Variants in MEMO1 observed in about 807,000 individuals in gnomAD.
MEMO1 encodes mediator of cell motility 1.
A neutral mutation model predicts 45.2 loss-of-function variants in MEMO1; 6 were observed. The ratio of observed to expected loss-of-function variants is 0.13; its 90% CI spans 0.07 to 0.26. MEMO1 has a LOEUF of 0.26. Ranked by LOEUF, MEMO1 falls within the 10% of genes least tolerant of loss-of-function variation. The probability of loss-of-function intolerance (pLI) is 1.00; values close to 1 mark genes in which losing one functional copy is unlikely to be tolerated. For synonymous variants in MEMO1, 78 were observed against 124.3 expected (o/e 0.63, Z 2.48); for missense variants, 184 against 370.5 (o/e 0.50, Z 4.13).
intron 2 of MEMO1, among the ~76,000 whole-genome samples, chr2:31,987,262 C>G (rs886957075): frequency 6.6e-6 from 1 of 152,212 alleles, no homozygotes; most frequent in African/African-American, 2.4e-5. Context: ...GCCCCCCACA[C>G]TGCTGGTATT....
intron 2 of MEMO1, among the ~76,000 whole-genome samples, chr2:31,997,950 T>G (rs1672801463): frequency 6.6e-6 from 1 of 152,198 alleles, no homozygotes; most frequent in South Asian, 2.1e-4. Flanking sequence ...GACTTACACA[T>G]ATGTGTTTCA....
intron 6 of MEMO1, among the ~76,000 whole-genome samples, chr2:31,894,711 G>A (rs955750409): frequency 6.6e-6 from 1 of 152,180 alleles, no homozygotes; most frequent in African/African-American, 2.4e-5. Context: ...CTGGCTAACA[G>A]AAAATTTGGG....
chr2:31,913,971 AT>A (rs1681033619), intron 6 of MEMO1, among the ~76,000 whole-genome samples: 1 of 152,196 alleles, frequency 6.6e-6, no homozygotes, highest in Non-Finnish European at 1.5e-5. Flanking sequence ...AGACTTCGAT[AT>A]TAAGAGGGCT....
intron 2 of MEMO1, among the ~76,000 whole-genome samples, chr2:31,977,870 T>C (rs1399374671): frequency 6.6e-6 from 1 of 152,158 alleles, no homozygotes; most frequent in South Asian, 2.1e-4. Context: ...AAATAAAATA[T>C]GTAGTATGAG....
chr2:31,891,047 G>C (rs150001250), intron 7 of MEMO1, among the ~76,000 whole-genome samples: 5 of 152,292 alleles, frequency 3.3e-5, no homozygotes, highest in Admixed American at 2.6e-4. Context: ...GATAAATGTT[G>C]AATCAATTCT....
At chr2:31,989,243 A>G (rs1455297390) in intron 2 of MEMO1, among the ~76,000 whole-genome samples, 1 of 151,118 alleles carries the variant, frequency 6.6e-6, no homozygotes, top group Non-Finnish European at 1.5e-5. Flanking sequence ...AAAAAAAAAA[A>G]GAAAGAAAGA....
intron 2 of MEMO1, among the ~76,000 whole-genome samples, chr2:32,003,663 A>T (rs1673684126): frequency 6.6e-6 from 1 of 152,394 alleles, no homozygotes; most frequent in East Asian, 1.9e-4. Context: ...AGAAAAAAGC[A>T]CAGGAGGGTA....
At chr2:31,980,292 G>T (rs374587111) in intron 2 of MEMO1, among the ~76,000 whole-genome samples, 2 of 152,072 alleles carry the variant, frequency 1.3e-5, no homozygotes, top group Non-Finnish European at 2.9e-5. Context: ...AATTAGCTGG[G>T]CGTGGTGACA....
chr2:31,980,147 T>C (rs778829009), intron 2 of MEMO1, among the ~76,000 whole-genome samples: 2 of 152,300 alleles, frequency 1.3e-5, no homozygotes, highest in South Asian at 4.1e-4. Flanking sequence ...TTTTAAAATA[T>C]TTTGCCAGGC....
intron 8 of MEMO1, among the ~76,000 whole-genome samples, chr2:31,882,048 G>A (rs1323819704): frequency 6.6e-6 from 1 of 152,142 alleles, no homozygotes; most frequent in Admixed American, 6.5e-5. Context: ...GGAGGCTGAG[G>A]TGGGAGAATC....
At chr2:31,925,390 C>A (rs965433070) in intron 4 of MEMO1, among the ~76,000 whole-genome samples, 1 of 148,102 alleles carries the variant, frequency 6.8e-6, no homozygotes, top group African/African-American at 2.5e-5. Flanking sequence ...GCAGGAGAAT[C>A]GTTTGAACCC....
intron 2 of MEMO1, among the ~76,000 whole-genome samples, chr2:31,967,238 C>T (rs1188420669): frequency 6.6e-6 from 1 of 151,860 alleles, no homozygotes; most frequent in Non-Finnish European, 1.5e-5. Flanking sequence ...ATTCTCCTGC[C>T]TCAGCCTCCT....
At chr2:31,933,439 C>T (rs866535708) in intron 3 of MEMO1, among the ~76,000 whole-genome samples, 3 of 129,810 alleles carry the variant, frequency 2.3e-5, no homozygotes, top group South Asian at 4.9e-4. Flanking sequence ...GAATTATAAG[C>T]GAACACAAGG....
chr2:32,003,744 C>A (rs1015629634), intron 2 of MEMO1, among the ~76,000 whole-genome samples: 9 of 152,164 alleles, frequency 5.9e-5, no homozygotes, highest in Non-Finnish European at 8.8e-5. Flanking sequence ...AACTGATAAA[C>A]TGGACTTCTT....
chr2:31,944,709 G>T (rs1185967866), intron 2 of MEMO1, among the ~76,000 whole-genome samples: 1 of 151,952 alleles, frequency 6.6e-6, no homozygotes, highest in Non-Finnish European at 1.5e-5. Flanking sequence ...GCATGCAAAT[G>T]TGTCATACTA....
At chr2:31,963,223 C>T in intron 2 of MEMO1, 1 of 1,547,754 alleles carries the variant, frequency 6.5e-7, no homozygotes, top group Non-Finnish European at 8.7e-7. Context: ...TGGCACTTGT[C>T]AGCCCTCCAT....
chr2:31,883,360 T>C, intron 8 of MEMO1, 26 bp downstream of exon 8: 2 of 1,494,374 alleles, frequency 1.3e-6, no homozygotes, highest in Non-Finnish European at 1.8e-6. Flanking sequence ...CTTAGAGCAT[T>C]AAAATCCCAC....
intron 2 of MEMO1, among the ~76,000 whole-genome samples, chr2:31,957,769 C>G (rs1047567074): frequency 6.6e-6 from 1 of 152,232 alleles, no homozygotes; most frequent in Non-Finnish European, 1.5e-5. Flanking sequence ...CTAGCAAGGG[C>G]TTGAGCTATT....
At chr2:32,001,032 ATTTTTTTTT>A (rs66617379) in intron 2 of MEMO1, among the ~76,000 whole-genome samples, 1 of 104,558 alleles carries the variant, frequency 9.6e-6, no homozygotes, top group Non-Finnish European at 1.9e-5. Flanking sequence ...ATAAATTTTG[ATTTTTTTTT>A]TTTTTTTTTT....
Sources: gnomAD v4.1 joint callset for allele counts (sites outside exome capture counted in the v4.1 genomes callset) on GRCh38, gnomAD v4.1.1 for gene constraint, MANE v1.5 for transcripts, NCBI Gene and HGNC (gene_info 2026-07-23, HGNC 2026-07-21) for gene names.